The following SGCG variants were observed in gnomAD, a reference collection of about 807,000 sequenced individuals.
SGCG encodes the protein sarcoglycan gamma.
A neutral mutation model predicts 29.3 loss-of-function variants in SGCG; 26 were observed. That is an observed-to-expected ratio of 0.89 (90% CI 0.65 to 1.23). The LOEUF is 1.23. Ranked by LOEUF, SGCG falls within the 50% of genes most tolerant of loss-of-function variation. SGCG has a pLI of 0.00. For synonymous variants in SGCG, 145 were observed against 129.7 expected (o/e 1.12, Z -0.80); for missense variants, 353 against 356.0 (o/e 0.99, Z 0.07).
chr13:23,197,347 C>T (rs1877555397), intron 1 of SGCG, among the ~76,000 whole-genome samples: 1 of 152,116 alleles, frequency 6.6e-6, no homozygotes, highest in Non-Finnish European at 1.5e-5. Flanking sequence ...GTGCTTGTTA[C>T]CTAGTAAGAA....
Position 23,324,694 on chromosome 13 carries a change from T to C in SGCG, c.*153T>C, listed in dbSNP as rs1200493832. ...AAAAATTATGTGCCAGTGAAAGTGTTTGGACAAAAACTACATGATCTCAAA... is the reference window on the plus strand; with the variant it reads ...AAAAATTATGTGCCAGTGAAAGTGTCTGGACAAAAACTACATGATCTCAAA... On this transcript the variant is annotated 3_prime_UTR_variant, in exon 8 of 8. Transcript: ENST00000218867. The C allele has an allele frequency of 8.5e-6, 6 of 704,740 alleles. No homozygotes were observed. Among genetic ancestry groups the C allele is most frequent in the South Asian group, 1.5e-5 (1 of 64,854 alleles). 43.7% of individuals were successfully genotyped at this position (704,740 alleles called of 1,614,324 possible). A position where few individuals can be genotyped will look rare whatever the true frequency, so the allele number is the denominator to read the frequency against.
At chr13:23,279,737 T>TCCTTCCTTCCTTCC (rs1566028875) in intron 5 of SGCG, among the ~76,000 whole-genome samples, 1 of 151,700 alleles carries the variant, frequency 6.6e-6, no homozygotes. Context: ...CTTCTTTTTT[T>TCCTTCCTTCCTTCC]TTTCTTTTTA....
chr13:23,268,915 A>G (rs571963183), intron 4 of SGCG: 87 of 146,050 alleles, frequency 6.0e-4, no homozygotes, highest in African/African-American at 2.1e-3. Context: ...AAAAAAAAAC[A>G]CTCATCTTCA....
chr13:23,274,254 C>T (rs1880976000), intron 4 of SGCG, among the ~76,000 whole-genome samples: 1 of 152,224 alleles, frequency 6.6e-6, no homozygotes, highest in South Asian at 2.1e-4. Flanking sequence ...TCTGTCCTCT[C>T]CGTGGCCTTC....
chr13:23,324,815 C>A lies in SGCG; in HGVS notation c.*274C>A. ...TCACCGGAACAATTGCGAATTCTCTCTGCCTCGCCTCCCCCTATCTTGTCC... is the reference window on the plus strand; with the variant it reads ...TCACCGGAACAATTGCGAATTCTCTATGCCTCGCCTCCCCCTATCTTGTCC... On this transcript the variant is annotated 3_prime_UTR_variant, in exon 8 of 8. Transcript: ENST00000218867. 1 of 437,930 alleles carries A rather than the reference C, an allele frequency of 2.3e-6. No homozygotes were observed. Among genetic ancestry groups the A allele is most frequent in the Non-Finnish European group, 4.3e-6 (1 of 233,942 alleles). The allele number at this position is 437,930 out of a possible 1,614,324, so 27.1% of individuals were successfully genotyped here.
intron 3 of SGCG, chr13:23,245,140 G>C (rs1234466714): frequency 6.6e-6 from 1 of 152,200 alleles, no homozygotes; most frequent in Non-Finnish European, 1.5e-5. Context: ...TGGCTACAAA[G>C]ACTGCCTAAT....
At chr13:23,248,161 G>A (rs1285390053) in intron 3 of SGCG, among the ~76,000 whole-genome samples, 5 of 151,480 alleles carry the variant, frequency 3.3e-5, no homozygotes, top group East Asian at 1.9e-4. Flanking sequence ...AAAGATAAGC[G>A]AGATCTACAC....
intron 6 of SGCG, among the ~76,000 whole-genome samples, chr13:23,314,233 T>TTGA (rs1405909953): frequency 2.0e-5 from 3 of 148,954 alleles, no homozygotes; most frequent in Admixed American, 6.7e-5. Flanking sequence ...GATCTCACAG[T>TTGA]TGATTGGTGT....
At chr13:23,269,177 C>G (rs1241317593) in intron 4 of SGCG, 1 of 152,100 alleles carries the variant, frequency 6.6e-6, no homozygotes, top group Non-Finnish European at 1.5e-5. Flanking sequence ...GTTTTTCATT[C>G]CAAGGATAAT....
intron 4 of SGCG, among the ~76,000 whole-genome samples, chr13:23,266,002 T>C (rs1880624876): frequency 6.6e-6 from 1 of 152,092 alleles, no homozygotes; most frequent in African/African-American, 2.4e-5. Context: ...CACAAAGATA[T>C]AAAATCAACC....
chr13:23,299,456 ATTTT>A (rs71100168), intron 6 of SGCG, among the ~76,000 whole-genome samples: 1 of 41,542 alleles, frequency 2.4e-5, no homozygotes, highest in African/African-American at 7.7e-5. Flanking sequence ...ATATATATAT[ATTTT>A]TTTTTTTTTT....
chr13:23,223,134 G>C (rs1878738845), intron 2 of SGCG, among the ~76,000 whole-genome samples: 2 of 151,894 alleles, frequency 1.3e-5, no homozygotes, highest in Non-Finnish European at 2.9e-5. Context: ...AAAAACTAGC[G>C]GGGTGTGGTG....
At chr13:23,290,797 T>C (rs536386377) in intron 5 of SGCG, among the ~76,000 whole-genome samples, 1 of 147,344 alleles carries the variant, frequency 6.8e-6, no homozygotes, top group Admixed American at 6.7e-5. Context: ...TATATATTAC[T>C]GTCTGAACAG....
At chr13:23,244,705 G>A (rs1174621147) in intron 3 of SGCG, 1 of 152,160 alleles carries the variant, frequency 6.6e-6, no homozygotes. Context: ...GGCAGCCTTA[G>A]GAGTATGTTG....
chr13:23,219,896 C>T (rs1404251483), intron 2 of SGCG, among the ~76,000 whole-genome samples: 2 of 133,374 alleles, frequency 1.5e-5, no homozygotes. Context: ...AGTGCAGTGG[C>T]GCCATCTCGG....
chr13:23,191,459 A>G (rs2152726), intron 1 of SGCG, among the ~76,000 whole-genome samples: 4,626 of 152,284 alleles, frequency 0.03, 147 homozygotes, highest in Admixed American at 0.059. Flanking sequence ...GCCCAAGACC[A>G]GATGTCAAAA....
chr13:23,272,653 T>A (rs2137605905), intron 4 of SGCG, among the ~76,000 whole-genome samples: 1 of 152,350 alleles, frequency 6.6e-6, no homozygotes, highest in African/African-American at 2.4e-5. Flanking sequence ...TAAGCTTACT[T>A]ACTTTCAATA....
chr13:23,219,342 C>T lies in SGCG; in HGVS notation c.196-15269C>T, dbSNP rs757220807. Among the ~76,000 whole-genome samples the T allele has an allele frequency of 1.2e-4, 19 of 152,070 alleles. 1 individual carries two copies. The highest frequency in any genetic ancestry group is 2.5e-4 in the Non-Finnish European group (17 of 67,996). ...GATTACAGGCGTGAGCCACCACGCC[C>T]GGCCATAGGTTTTTTATTAGCTTTT... On this transcript the variant is annotated intron_variant, in intron 2 of 7. Coordinates refer to ENST00000218867, the MANE Select transcript of SGCG (RefSeq NM_000231.3).
chr13:23,222,328 G>A (rs1292046984), intron 2 of SGCG, among the ~76,000 whole-genome samples: 4 of 152,164 alleles, frequency 2.6e-5, no homozygotes, highest in Admixed American at 2.6e-4. Flanking sequence ...TTTAAGAAAT[G>A]TTTGCCTTCT....
Sources: allele counts gnomAD v4.1 joint callset (sites outside exome capture counted in the v4.1 genomes callset), GRCh38; gene constraint gnomAD v4.1.1; transcripts MANE v1.5; gene names NCBI Gene and HGNC (gene_info 2026-07-23, HGNC 2026-07-21).